The following KHDRBS2 variants were observed in gnomAD, a reference collection of about 807,000 sequenced individuals.
The protein encoded by KHDRBS2 is KH domain-containing, RNA-binding, signal transduction-associated protein 2.
In KHDRBS2, 26 loss-of-function variants were observed where a neutral mutation model predicts 44.3. The ratio of observed to expected loss-of-function variants is 0.59; its 90% CI spans 0.43 to 0.81. The LOEUF (loss-of-function observed/expected upper bound fraction) is 0.81. Ranked by LOEUF, KHDRBS2 falls within the 40% of genes least tolerant of loss-of-function variation. The pLI is 0.00. For missense variants in KHDRBS2, 476 were observed against 433.1 expected, an observed-to-expected ratio of 1.10 and a Z score of -0.88; for synonymous variants, 194 against 151.1, an observed-to-expected ratio of 1.28 and a Z score of -2.08.
At chr6:61,602,236 A>C in the KHDRBS2 span, among the ~76,000 whole-genome samples, 1 of 152,128 alleles carries the variant, frequency 6.6e-6, no homozygotes, top group Non-Finnish European at 1.5e-5. Context: ...CCAAGTAGCA[A>C]TGTATTTTTG....
At chr6:61,826,008 G>A (rs1412246323) in intron 6 of KHDRBS2, among the ~76,000 whole-genome samples, 2 of 152,166 alleles carry the variant, frequency 1.3e-5, no homozygotes, top group Non-Finnish European at 2.9e-5. Flanking sequence ...CTGTCTTGGA[G>A]GGACAGGACA....
chr6:61,970,493 A>G (rs1771144109), intron 4 of KHDRBS2, among the ~76,000 whole-genome samples: 1 of 152,116 alleles, frequency 6.6e-6, no homozygotes, highest in African/African-American at 2.4e-5. Context: ...TACACAGAAG[A>G]AAGCTCACAT....
chr6:61,780,940 T>C (rs760756031), intron 6 of KHDRBS2, among the ~76,000 whole-genome samples: 5 of 152,172 alleles, frequency 3.3e-5, no homozygotes, highest in African/African-American at 4.8e-5. Context: ...ATTTAGCAGG[T>C]GTACAGGTCT....
At chr6:61,884,499 T>C (rs1355006944) in intron 6 of KHDRBS2, among the ~76,000 whole-genome samples, 2 of 152,134 alleles carry the variant, frequency 1.3e-5, no homozygotes, top group Non-Finnish European at 1.5e-5. Flanking sequence ...CTGTTTTGTC[T>C]ACCTGAAGTG....
At chr6:61,793,594 C>T (rs1472806555) in intron 6 of KHDRBS2, among the ~76,000 whole-genome samples, 2 of 151,840 alleles carry the variant, frequency 1.3e-5, no homozygotes, top group African/African-American at 2.4e-5. Flanking sequence ...CAACTAAATA[C>T]TGAAAATTTT....
At chr6:61,701,410 T>C (rs1187886955) in intron 7 of KHDRBS2, among the ~76,000 whole-genome samples, 2 of 151,956 alleles carry the variant, frequency 1.3e-5, no homozygotes, top group Non-Finnish European at 2.9e-5. Flanking sequence ...TCGCAAGAGA[T>C]AATATACAGT....
rs190396752 is a variant in KHDRBS2 at position 61,944,459 on chromosome 6, T to C, written c.483+33607A>G. 2.3e-3 allele frequency among the ~76,000 whole-genome samples: 342 copies of C among 151,846 alleles called. 2 individuals are homozygous for C. The highest frequency in any genetic ancestry group is 8.0e-3 in the African/African-American group (332 of 41,388). On this transcript the variant is annotated intron_variant, in intron 4 of 8. Coordinates refer to ENST00000281156, the MANE Select transcript of KHDRBS2 (RefSeq NM_152688.4). ...TGTGCAAGGTAAAAAAAAAAAGATC[T>C]CTCAGAGACAATAGAATGATAGATA...
chr6:61,640,922 T>A, the KHDRBS2 span, among the ~76,000 whole-genome samples: 2 of 151,596 alleles, frequency 1.3e-5, no homozygotes, highest in African/African-American at 4.9e-5. Context: ...TTCAGTTTTG[T>A]TGCTACTTTC....
intron 1 of KHDRBS2, among the ~76,000 whole-genome samples, chr6:62,203,312 A>G (rs1222599310): frequency 5.3e-5 from 8 of 152,140 alleles, no homozygotes; most frequent in Admixed American, 3.9e-4. Context: ...GGCTACAGAT[A>G]GGATGCCAGT....
chr6:62,233,583 A>G (rs572198930), intron 1 of KHDRBS2, among the ~76,000 whole-genome samples: 5 of 152,068 alleles, frequency 3.3e-5, no homozygotes, highest in Admixed American at 3.3e-4. Flanking sequence ...TTATTTCATC[A>G]CCTAGATATT....
chr6:61,798,846 C>T (rs534392281), intron 6 of KHDRBS2, among the ~76,000 whole-genome samples: 10 of 151,716 alleles, frequency 6.6e-5, no homozygotes, highest in Admixed American at 1.3e-4. Flanking sequence ...GGCAAAAAAG[C>T]ATTCAATATA....
At chr6:61,930,567 A>AAAAAG (rs1809851862) in intron 4 of KHDRBS2, among the ~76,000 whole-genome samples, 1 of 130,192 alleles carries the variant, frequency 7.7e-6, no homozygotes, top group Non-Finnish European at 1.6e-5. Flanking sequence ...AAAAAAAAAA[A>AAAAAG]GGCTAGTCTA....
At chr6:61,592,653 G>T in the KHDRBS2 span, among the ~76,000 whole-genome samples, 2 of 152,172 alleles carry the variant, frequency 1.3e-5, no homozygotes, top group Admixed American at 6.5e-5. Context: ...ATATTTCAAA[G>T]AAGTATATTT....
At chr6:62,168,402 G>A (rs1260878565) in intron 2 of KHDRBS2, among the ~76,000 whole-genome samples, 1 of 152,122 alleles carries the variant, frequency 6.6e-6, no homozygotes, top group Non-Finnish European at 1.5e-5. Context: ...AATTGCCTAG[G>A]TGAACAAACA....
intron 6 of KHDRBS2, among the ~76,000 whole-genome samples, chr6:61,821,792 T>C (rs1343742824): frequency 1.3e-5 from 2 of 151,808 alleles, no homozygotes; most frequent in African/African-American, 2.4e-5. Context: ...TGTTAAGATT[T>C]TTTTTTCCAT....
chr6:62,140,369 T>C (rs1812541085), intron 2 of KHDRBS2, among the ~76,000 whole-genome samples: 1 of 152,106 alleles, frequency 6.6e-6, no homozygotes, highest in Non-Finnish European at 1.5e-5. Flanking sequence ...CCATATTAGA[T>C]AAATAATTCT....
At chr6:61,995,104 C>T (rs1191966015) in intron 3 of KHDRBS2, among the ~76,000 whole-genome samples, 1 of 151,994 alleles carries the variant, frequency 6.6e-6, no homozygotes, top group African/African-American at 2.4e-5. Context: ...TGCGTTTGAA[C>T]CCTTTATCAT....
the KHDRBS2 span, among the ~76,000 whole-genome samples, chr6:61,547,653 A>G: frequency 1.3e-5 from 2 of 152,138 alleles, no homozygotes; most frequent in Non-Finnish European, 2.9e-5. Context: ...TTGAAAAAAT[A>G]CAAACACATG....
At chr6:61,913,335 C>T (rs149677322) in intron 4 of KHDRBS2, among the ~76,000 whole-genome samples, 5 of 151,768 alleles carry the variant, frequency 3.3e-5, no homozygotes, top group Admixed American at 3.3e-4. Flanking sequence ...TTATATTGTT[C>T]TAAGATGTGG....
Sources: allele counts gnomAD v4.1 joint callset (sites outside exome capture counted in the v4.1 genomes callset), GRCh38; gene constraint gnomAD v4.1.1; transcripts MANE v1.5; gene names NCBI Gene and HGNC (gene_info 2026-07-23, HGNC 2026-07-21).